Variants in INVS observed in about 807,000 individuals in gnomAD.
INVS encodes inversin.
A neutral mutation model predicts 108.8 loss-of-function variants in INVS; 86 were observed. The observed-to-expected ratio is 0.79, with a 90% CI of 0.66 to 0.95. INVS has a LOEUF of 0.95. Ranked by LOEUF, INVS falls within the 40% of genes least tolerant of loss-of-function variation. The pLI, the probability that INVS is intolerant of heterozygous loss-of-function variation, is 0.00. For missense variants in INVS, 1,169 were observed against 1,297.4 expected, an observed-to-expected ratio of 0.90 and a Z score of 1.52; for synonymous variants, 455 against 473.5, an observed-to-expected ratio of 0.96 and a Z score of 0.51.
At chr9:100,161,849 C>T (rs1394041601) in intron 3 of INVS, among the ~76,000 whole-genome samples, 1 of 152,138 alleles carries the variant, frequency 6.6e-6, no homozygotes, top group Non-Finnish European at 1.5e-5. Context: ...GGAAGGAGAG[C>T]ATACCCTACA....
At chr9:100,291,895 T>G (rs1037379995) in intron 13 of INVS, among the ~76,000 whole-genome samples, 2 of 152,208 alleles carry the variant, frequency 1.3e-5, no homozygotes, top group African/African-American at 2.4e-5. Flanking sequence ...CAGTTAACTT[T>G]CTTCCTGCAA....
intron 14 of INVS, among the ~76,000 whole-genome samples, chr9:100,293,413 T>C (rs181318761): frequency 2.0e-5 from 3 of 152,218 alleles, no homozygotes; most frequent in Non-Finnish European, 2.9e-5. Context: ...TTAATAATTG[T>C]TGCACATGTC....
At chr9:100,182,497 C>T (rs974425429) in intron 3 of INVS, among the ~76,000 whole-genome samples, 3 of 152,124 alleles carry the variant, frequency 2.0e-5, no homozygotes, top group Admixed American at 2.0e-4. Flanking sequence ...CAAAAGACGA[C>T]ATTATTGCGG....
chr9:100,163,571 A>T (rs1471565821), intron 3 of INVS, among the ~76,000 whole-genome samples: 3 of 152,204 alleles, frequency 2.0e-5, no homozygotes, highest in African/African-American at 2.4e-5. Flanking sequence ...TTTTTAAAGT[A>T]TATATTATAT....
At chr9:100,161,250 C>G (rs1056559781) in intron 3 of INVS, among the ~76,000 whole-genome samples, 2 of 150,956 alleles carry the variant, frequency 1.3e-5, no homozygotes, top group Non-Finnish European at 2.9e-5. Context: ...GTGGTGGGCA[C>G]CTGTAATCCC....
At position 100,298,008 on chromosome 9, in the gene INVS, C is replaced by T. The variant is rs1833840490; in HGVS notation, c.3089C>T (p.Ser1030Leu). 6.2e-7 allele frequency: 1 copy of T among 1,614,082 alleles called. No homozygotes were observed. Among genetic ancestry groups the T allele is most frequent in the Admixed American group, 1.7e-5 (1 of 60,030 alleles). Residue 1030 changes from serine (S) to leucine (L), a missense_variant and splice_region_variant, in exon 16 of 17, where the codon TCA becomes TTA. By Grantham distance (145) the Ser-to-Leu change is moderately radical. Transcript: ENST00000262457. ...GCCTCTTCTGTGCTGCGTCTCAACTCAGGTAAGGCAGCCACTGCAAAGCAG... is the reference window on the plus strand; with the variant it reads ...GCCTCTTCTGTGCTGCGTCTCAACTTAGGTAAGGCAGCCACTGCAAAGCAG... Reference protein sequence around the residue: ...VKASSVLRLNSVSNLQCIHLL... With the variant: ...VKASSVLRLNLVSNLQCIHLL...
At chr9:100,157,267 C>CTTTTTTTCTT (rs1554718237) in intron 3 of INVS, among the ~76,000 whole-genome samples, 1 of 130,098 alleles carries the variant, frequency 7.7e-6, no homozygotes, top group African/African-American at 3.3e-5. Context: ...TCTTTTTTTT[C>CTTTTTTTCTT]TTTTTTTTTT....
chr9:100,242,469 G>A (rs1173990687), intron 6 of INVS, 101 bp from the exon 7 acceptor site: 4 of 737,054 alleles, frequency 5.4e-6, no homozygotes, highest in South Asian at 2.9e-5. Context: ...TGTGAATGCT[G>A]TATTATGTTA....
At chr9:100,169,611 G>T (rs933557813) in intron 3 of INVS, among the ~76,000 whole-genome samples, 10 of 152,132 alleles carry the variant, frequency 6.6e-5, no homozygotes, top group African/African-American at 2.4e-4. Flanking sequence ...CATTGCTGTT[G>T]TCCAAAAGCA....
In INVS at chr9:100,100,627, T is replaced by C. The variant is rs1350107149; in HGVS notation, c.-25+1211T>C. On this transcript the variant is annotated intron_variant, in intron 1 of 16. Coordinates refer to ENST00000262457, the MANE Select transcript of INVS (RefSeq NM_014425.5). ...ATAATATATATAATATATGTATATA[T>C]AATATATATATTATATATGTATATA... Among the ~76,000 whole-genome samples, 4 of 76,784 alleles carry C rather than the reference T, an allele frequency of 5.2e-5. 1 individual carries two copies. Among genetic ancestry groups the C allele is most frequent in the Non-Finnish European group, 9.1e-5 (4 of 43,888 alleles). The allele number at this position is 76,784 out of a possible 152,430, so 50.4% of individuals were successfully genotyped here.
At chr9:100,138,950 C>A (rs967128838) in intron 3 of INVS, among the ~76,000 whole-genome samples, 12 of 152,182 alleles carry the variant, frequency 7.9e-5, no homozygotes, top group African/African-American at 2.9e-4. Context: ...AAGCAATCCA[C>A]CTGCCTCAGC....
chr9:100,263,482 G>A (rs1359336543), intron 10 of INVS, among the ~76,000 whole-genome samples: 1 of 152,068 alleles, frequency 6.6e-6, no homozygotes, highest in Non-Finnish European at 1.5e-5. Context: ...AGCCACATTG[G>A]CTGGTTGAGC....
chr9:100,230,608 T>C (rs1588107181), intron 5 of INVS, among the ~76,000 whole-genome samples: 4 of 152,120 alleles, frequency 2.6e-5, no homozygotes, highest in Admixed American at 1.3e-4. Context: ...AGCCTCCACC[T>C]CCCAGGTTTA....
In INVS at chr9:100,301,724, A is replaced by C. The variant is rs1564198225; in HGVS notation, c.*1050A>C. On this transcript the variant is annotated 3_prime_UTR_variant, in exon 17 of 17. Coordinates refer to ENST00000262457, the MANE Select transcript of INVS (RefSeq NM_014425.5). Reference sequence around the variant, plus strand: ...TGGGGGTTGCTTTCATTTTCTTCAGATCAGTGCCACTTCTGTGCTAACGGT... The same window carrying C: ...TGGGGGTTGCTTTCATTTTCTTCAGCTCAGTGCCACTTCTGTGCTAACGGT... Among the ~76,000 whole-genome samples the C allele has an allele frequency of 6.6e-6, 1 of 152,128 alleles. No individual in the cohort carries two copies. Among genetic ancestry groups the C allele is most frequent in the African/African-American group, 2.4e-5 (1 of 41,416 alleles).
At position 100,302,078 on chromosome 9, in the gene INVS, G is replaced by T; in HGVS notation, c.*1404G>T. 1 of 621,812 alleles carries T rather than the reference G, an allele frequency of 1.6e-6. No homozygotes were observed. Among genetic ancestry groups the T allele is most frequent in the Non-Finnish European group, 2.6e-6 (1 of 378,874 alleles). 38.5% of individuals were successfully genotyped at this position (621,812 alleles called of 1,614,324 possible). A position where few individuals can be genotyped will look rare whatever the true frequency, so the allele number is the denominator to read the frequency against. On this transcript the variant is annotated 3_prime_UTR_variant, in exon 17 of 17. Transcript: ENST00000262457. Reference sequence around the variant, plus strand: ...ATATCAGTGCAAAGAAAGAAGGTTCGTAAACTTCTTTAAAAGTTCAGCTTT... The same window carrying T: ...ATATCAGTGCAAAGAAAGAAGGTTCTTAAACTTCTTTAAAAGTTCAGCTTT...
At chr9:100,223,381 G>GCCA (rs1222723328) in intron 3 of INVS, among the ~76,000 whole-genome samples, 1 of 152,100 alleles carries the variant, frequency 6.6e-6, no homozygotes, top group Non-Finnish European at 1.5e-5. Context: ...ACAGGCATGA[G>GCCA]CCACCACTCC....
intron 3 of INVS, among the ~76,000 whole-genome samples, chr9:100,188,167 C>T (rs890861971): frequency 1.3e-5 from 2 of 152,104 alleles, no homozygotes; most frequent in Admixed American, 1.3e-4. Context: ...GATGTCCTTT[C>T]TTTCTTTCTC....
intron 3 of INVS, among the ~76,000 whole-genome samples, chr9:100,198,458 A>G (rs1285327154): frequency 6.6e-6 from 1 of 150,508 alleles, no homozygotes; most frequent in East Asian, 2.0e-4. Flanking sequence ...GGTCCCGCTA[A>G]TTTTGTATTT....
intron 10 of INVS, among the ~76,000 whole-genome samples, chr9:100,254,563 G>A (rs1832352066): frequency 1.3e-5 from 2 of 152,154 alleles, no homozygotes; most frequent in African/African-American, 4.8e-5. Context: ...TAACATTTAA[G>A]TCTTTAATCC....
Sources: gnomAD v4.1 joint callset for allele counts (sites outside exome capture counted in the v4.1 genomes callset) on GRCh38, gnomAD v4.1.1 for gene constraint, MANE v1.5 for transcripts, NCBI Gene and HGNC (gene_info 2026-07-23, HGNC 2026-07-21) for gene names.